The following PSMA1 variants were observed in gnomAD, a reference collection of about 807,000 sequenced individuals.
PSMA1 encodes proteasome subunit alpha type-1.
Under a neutral mutation model 38.4 loss-of-function variants are expected in PSMA1, and 3 were observed. That is an observed-to-expected ratio of 0.08 (90% CI 0.04 to 0.20). The LOEUF (loss-of-function observed/expected upper bound fraction) is 0.20, where lower values mean the gene tolerates loss of function less well. Among genes scored for constraint, PSMA1 ranks in the 10% least tolerant of loss-of-function variants. The pLI, the probability that PSMA1 is intolerant of heterozygous loss-of-function variation, is 1.00. For synonymous variants in PSMA1, 101 were observed against 107.1 expected (o/e 0.94, Z 0.35); for missense variants, 227 against 325.3 (o/e 0.70, Z 2.32).
chr11:14,637,550 C>T (rs546314619), intron 1 of PSMA1, among the ~76,000 whole-genome samples: 2 of 152,056 alleles, frequency 1.3e-5, no homozygotes, highest in South Asian at 4.2e-4. Context: ...TTTTGTCTTC[C>T]CTATGTTTAA....
chr11:14,530,415 C>A (rs1199356370), intron 2 of PSMA1, among the ~76,000 whole-genome samples: 2 of 152,140 alleles, frequency 1.3e-5, no homozygotes, highest in East Asian at 1.9e-4. Flanking sequence ...ATTTTACTTT[C>A]TTGGAGCCTC....
intron 1 of PSMA1, 90 bp downstream of exon 1, chr11:14,520,207 C>A (rs1402902484): frequency 1.3e-6 from 2 of 1,585,208 alleles, no homozygotes; most frequent in African/African-American, 2.7e-5. Flanking sequence ...TGGCACCGGG[C>A]GACGCTAAGG....
At chr11:14,592,390 ATATAT>A (rs1378627891) in intron 2 of PSMA1, among the ~76,000 whole-genome samples, 127 of 138,982 alleles carry the variant, frequency 9.1e-4, no homozygotes, top group African/African-American at 3.2e-3. Flanking sequence ...ATATATATAT[ATATAT>A]TTTTTTTTTA....
At chr11:14,607,439 C>T (rs1176478176) in intron 2 of PSMA1, among the ~76,000 whole-genome samples, 1 of 152,090 alleles carries the variant, frequency 6.6e-6, no homozygotes, top group Non-Finnish European at 1.5e-5. Flanking sequence ...TGCTTCTGAC[C>T]CCAGAATGCT....
chr11:14,603,681 A>G (rs1852610987), intron 2 of PSMA1, among the ~76,000 whole-genome samples: 1 of 152,240 alleles, frequency 6.6e-6, no homozygotes, highest in Admixed American at 6.5e-5. Flanking sequence ...TAGGCTTACT[A>G]AAAGCAGCAA....
intron 4 of PSMA1, among the ~76,000 whole-genome samples, 181 bp from the exon 5 acceptor site, chr11:14,514,672 A>G (rs1851398295): frequency 6.6e-6 from 1 of 151,656 alleles, no homozygotes; most frequent in African/African-American, 2.4e-5. Flanking sequence ...CTCTGGAGCC[A>G]CATAAGGTTT....
At chr11:14,588,020 A>C (rs1852369062) in intron 2 of PSMA1, among the ~76,000 whole-genome samples, 1 of 152,208 alleles carries the variant, frequency 6.6e-6, no homozygotes, top group African/African-American at 2.4e-5. Flanking sequence ...ATATGATGAA[A>C]ATACAGCCCT....
chr11:14,571,850 G>C (rs1417474917), intron 2 of PSMA1, among the ~76,000 whole-genome samples: 1 of 152,026 alleles, frequency 6.6e-6, no homozygotes, highest in Non-Finnish European at 1.5e-5. Flanking sequence ...CAAAAAAAAA[G>C]CAGGGTTGCA....
chr11:14,560,913 T>C (rs766037114), intron 2 of PSMA1, among the ~76,000 whole-genome samples: 6 of 152,190 alleles, frequency 3.9e-5, no homozygotes, highest in Non-Finnish European at 5.9e-5. Context: ...TTTTAAAATA[T>C]AGGCATATAA....
At chr11:14,507,327 C>T (rs1331594629) in intron 9 of PSMA1, among the ~76,000 whole-genome samples, 1 of 152,058 alleles carries the variant, frequency 6.6e-6, no homozygotes, top group Non-Finnish European at 1.5e-5. Flanking sequence ...GCCATGACGC[C>T]CAGCTAATTT....
At chr11:14,633,390 C>G (rs1473880231) in intron 1 of PSMA1, among the ~76,000 whole-genome samples, 1 of 151,816 alleles carries the variant, frequency 6.6e-6, no homozygotes, top group Non-Finnish European at 1.5e-5. Flanking sequence ...TGTTGGAGTA[C>G]CCTGCCGTGT....
chr11:14,630,153 T>C (rs1269886255), intron 1 of PSMA1, among the ~76,000 whole-genome samples: 1 of 152,110 alleles, frequency 6.6e-6, no homozygotes, highest in East Asian at 1.9e-4. Context: ...GAATACCCTT[T>C]ATTTCCTTCT....
chr11:14,634,942 C>G (rs550461011), intron 1 of PSMA1, among the ~76,000 whole-genome samples: 1 of 152,064 alleles, frequency 6.6e-6, no homozygotes, highest in Non-Finnish European at 1.5e-5. Context: ...AAACTTGGAG[C>G]CCACAGTTTA....
chr11:14,512,076 G>T (rs1045322163), intron 7 of PSMA1, among the ~76,000 whole-genome samples: 2 of 152,148 alleles, frequency 1.3e-5, no homozygotes, highest in African/African-American at 4.8e-5. Context: ...AAACATCAGT[G>T]AAAGAATTAA....
intron 2 of PSMA1, among the ~76,000 whole-genome samples, chr11:14,574,105 T>G (rs1194168706): frequency 1.3e-5 from 2 of 152,100 alleles, no homozygotes; most frequent in Admixed American, 6.6e-5. Context: ...CCTGGCCATG[T>G]GGTAGAAAAG....
At chr11:14,515,220 C>A (rs1851404632) in intron 4 of PSMA1, among the ~76,000 whole-genome samples, 2 of 152,298 alleles carry the variant, frequency 1.3e-5, no homozygotes, top group African/African-American at 4.8e-5. Flanking sequence ...AAGTCCATTT[C>A]CCAATGCTGC....
rs112729970 is a variant in PSMA1, at chr11:14,605,441, C to T, written c.21+5525G>A. On this transcript the variant is annotated intron_variant, in intron 2 of 10. Coordinates refer to the PSMA1 transcript ENST00000418988. The stretch of plus-strand genomic sequence containing the variant: ...CTCTGTCACCCAGGTTGGAATACAA[C>T]GGCGTGATCTTGGCTCACTGCAGCC... Among the ~76,000 whole-genome samples the T allele has an allele frequency of 6.6e-3, 997 of 152,176 alleles. 9 individuals carry two copies. The highest frequency in any genetic ancestry group is 0.023 in the African/African-American group (955 of 41,522).
intron 7 of PSMA1, among the ~76,000 whole-genome samples, chr11:14,512,296 C>A (rs1243779099): frequency 6.6e-6 from 1 of 151,998 alleles, no homozygotes; most frequent in African/African-American, 2.4e-5. Context: ...ATTGCTTGAA[C>A]CTGGGAGGCA....
intron 2 of PSMA1, among the ~76,000 whole-genome samples, chr11:14,564,784 C>CTTTTT (rs199728530): frequency 1.4e-5 from 2 of 142,690 alleles, no homozygotes; most frequent in Admixed American, 7.1e-5. Context: ...TTCTTTCTTT[C>CTTTTT]TTTTTTTTTT....
Sources: gnomAD v4.1 joint callset for allele counts (sites outside exome capture counted in the v4.1 genomes callset) on GRCh38, gnomAD v4.1.1 for gene constraint, MANE v1.5 for transcripts, NCBI Gene and HGNC (gene_info 2026-07-23, HGNC 2026-07-21) for gene names.